CNGB3: variants seen among roughly 807,000 people sequenced by gnomAD.
CNGB3 encodes cyclic nucleotide-gated channel beta-3.
In CNGB3, 86 loss-of-function variants were observed where a neutral mutation model predicts 92.8. That is an observed-to-expected ratio of 0.93 (90% CI 0.78 to 1.11). The LOEUF (loss-of-function observed/expected upper bound fraction) is 1.11, where lower values mean the gene tolerates loss of function less well. Ranked by LOEUF, CNGB3 falls within the 50% of genes least tolerant of loss-of-function variation. CNGB3 has a pLI of 0.00. For synonymous variants in CNGB3, 333 were observed against 332.7 expected, an observed-to-expected ratio of 1.00 and a Z score of -0.01; for missense variants, 1,026 against 956.8, an observed-to-expected ratio of 1.07 and a Z score of -0.95.
At chr8:86,603,744 C>T (rs578188848) in intron 15 of CNGB3, among the ~76,000 whole-genome samples, 1 of 152,278 alleles carries the variant, frequency 6.6e-6, no homozygotes, top group East Asian at 1.9e-4. Flanking sequence ...ACGCAAGACC[C>T]CCTTGTTAGC....
chr8:86,615,518 G>T (rs546948712), intron 13 of CNGB3, among the ~76,000 whole-genome samples: 1 of 152,028 alleles, frequency 6.6e-6, no homozygotes, highest in African/African-American at 2.4e-5. Flanking sequence ...TGACAAGATC[G>T]CTAGAACCTG....
In CNGB3 at chr8:86,687,710, TA is replaced by T. The variant is rs1319938025; in HGVS notation, c.339-16613del. Among the ~76,000 whole-genome samples, 7 of 152,144 alleles carry T rather than the reference TA, an allele frequency of 4.6e-5. No individual in the cohort carries two copies. The East Asian group carries it at 1.4e-3, about 29-fold the overall frequency. ...TTATCTGAATTTCCCCTCAATCAAT[TA>T]TTTTTTTAAAATCCACCATTATTCA... On this transcript the variant is annotated intron_variant, in intron 3 of 17. Coordinates refer to ENST00000320005, the MANE Select transcript of CNGB3 (RefSeq NM_019098.5).
At chr8:86,592,998 C>T (rs1436622020) in intron 15 of CNGB3, among the ~76,000 whole-genome samples, 1 of 152,166 alleles carries the variant, frequency 6.6e-6, no homozygotes, top group Non-Finnish European at 1.5e-5. Context: ...CCACCTCTGC[C>T]TGGGATTTTT....
intron 3 of CNGB3, among the ~76,000 whole-genome samples, chr8:86,719,545 C>T (rs544395769): frequency 6.6e-6 from 1 of 151,296 alleles, no homozygotes; most frequent in Admixed American, 6.6e-5. Flanking sequence ...GGAAACAAAT[C>T]CCATTGTGTA....
Position 86,726,517 on chromosome 8 carries a change from T to C in CNGB3, c.338+14A>G. On this transcript the variant is annotated intron_variant, in intron 3 of 17. Coordinates refer to ENST00000320005, the MANE Select transcript of CNGB3 (RefSeq NM_019098.5). Reference sequence around the variant, plus strand: ...TATCTCTAAAATATGTTGTGTGTTTTATTAAATGCTCACCTGTTTGGACCT... The same window carrying C: ...TATCTCTAAAATATGTTGTGTGTTTCATTAAATGCTCACCTGTTTGGACCT... 1 of 1,613,608 alleles carries C rather than the reference T, an allele frequency of 6.2e-7. No individual in the cohort carries two copies. The highest frequency in any genetic ancestry group is 8.5e-7 in the Non-Finnish European group (1 of 1,179,526).
chr8:86,613,293 A>T (rs1454736238), intron 13 of CNGB3, among the ~76,000 whole-genome samples: 5 of 152,084 alleles, frequency 3.3e-5, no homozygotes, highest in Non-Finnish European at 4.4e-5. Flanking sequence ...TACAAACATA[A>T]TTTTTTTTCT....
intron 15 of CNGB3, among the ~76,000 whole-genome samples, chr8:86,596,322 G>T: frequency 6.6e-6 from 1 of 152,112 alleles, no homozygotes. Context: ...AAAATAATCT[G>T]CCCATATATT....
intron 10 of CNGB3, among the ~76,000 whole-genome samples, chr8:86,643,185 T>G (rs1434292326): frequency 6.6e-6 from 1 of 151,266 alleles, no homozygotes; most frequent in Non-Finnish European, 1.5e-5. Flanking sequence ...CATTTAAAAA[T>G]GTATTGACTT....
intron 15 of CNGB3, among the ~76,000 whole-genome samples, chr8:86,595,334 C>T (rs1444834371): frequency 6.6e-6 from 1 of 152,186 alleles, no homozygotes; most frequent in East Asian, 1.9e-4. Flanking sequence ...CTCTGCTCTT[C>T]CAAATGGTGG....
intron 6 of CNGB3, among the ~76,000 whole-genome samples, chr8:86,665,083 G>T (rs778846019): frequency 6.6e-6 from 1 of 152,140 alleles, no homozygotes; most frequent in Admixed American, 6.5e-5. Flanking sequence ...TTTGCCTAGC[G>T]GTCACCATAT....
chr8:86,661,728 G>T, intron 6 of CNGB3: 1 of 1,541,050 alleles, frequency 6.5e-7, no homozygotes. Flanking sequence ...ATGGGTAGTG[G>T]TTGATCTAGC....
rs146488853 is a variant in CNGB3, at chr8:86,671,019, G to T, written c.418C>A (p.Arg140Ser). 1.9e-6 allele frequency: 3 copies of T among 1,613,626 alleles called. No homozygotes were observed. The highest frequency in any genetic ancestry group is 2.5e-6 in the Non-Finnish European group (3 of 1,179,972). The change falls in exon 4 of 18, where the codon CGT (arginine) becomes AGT (serine). Residue 140 changes from arginine (R) to serine (S), a missense_variant. Transcript: ENST00000320005. Reference sequence around the variant, plus strand: ...TTCTTGTAGAGGGCTGTTCTTTGACGCATTCTTTTCACCAGGTTGTGTAGC... The same window carrying T: ...TTCTTGTAGAGGGCTGTTCTTTGACTCATTCTTTTCACCAGGTTGTGTAGC... ...AQLHNLVKRM[R>S]QRTALYKKKL...
At chr8:86,688,390 T>C (rs966004179) in intron 3 of CNGB3, among the ~76,000 whole-genome samples, 1 of 152,036 alleles carries the variant, frequency 6.6e-6, no homozygotes, top group Non-Finnish European at 1.5e-5. Context: ...CAGGATGCCA[T>C]GTTACTAAGG....
At chr8:86,616,991 A>G (rs1345873253) in intron 13 of CNGB3, among the ~76,000 whole-genome samples, 3 of 152,210 alleles carry the variant, frequency 2.0e-5, no homozygotes, top group Non-Finnish European at 4.4e-5. Flanking sequence ...GTAAATAAAA[A>G]TGGGCTGACA....
At chr8:86,704,985 A>T (rs1157843155) in intron 3 of CNGB3, among the ~76,000 whole-genome samples, 1 of 152,146 alleles carries the variant, frequency 6.6e-6, no homozygotes, top group East Asian at 1.9e-4. Flanking sequence ...ATCTGCTATT[A>T]GAAGCTGTAG....
chr8:86,703,813 G>C (rs1268719175), intron 3 of CNGB3: 1 of 152,088 alleles, frequency 6.6e-6, no homozygotes, highest in East Asian at 1.9e-4. Flanking sequence ...CAAAGAATCA[G>C]TATGGTGTTA....
In CNGB3 at chr8:86,686,788, G is replaced by A. The variant is rs558743573; in HGVS notation, c.339-15690C>T. Among the ~76,000 whole-genome samples the A allele has an allele frequency of 1.1e-4, 16 of 152,096 alleles. No homozygotes were observed. In the South Asian group the frequency reaches 3.1e-3, roughly 30 times the overall value. Reference sequence around the variant, plus strand: ...GACTATGGTGACATTGGAAGTAAGAGATCACAGTACCACAGCTGGAGAAAG... The same window carrying A: ...GACTATGGTGACATTGGAAGTAAGAAATCACAGTACCACAGCTGGAGAAAG... On this transcript the variant is annotated intron_variant, in intron 3 of 17. Transcript: ENST00000320005.
intron 10 of CNGB3, 86 bp from the exon 11 acceptor site, chr8:86,632,979 T>G: frequency 2.4e-6 from 3 of 1,237,798 alleles, no homozygotes; most frequent in Non-Finnish European, 3.5e-6. Context: ...ACTATTAAAT[T>G]ATAACAAATT....
chr8:86,649,997 A>G (rs1823367769), intron 7 of CNGB3, among the ~76,000 whole-genome samples: 2 of 151,526 alleles, frequency 1.3e-5, no homozygotes, highest in African/African-American at 2.4e-5. Context: ...CTATTAATAG[A>G]TATTTTTCAA....
Sources: allele counts gnomAD v4.1 joint callset (sites outside exome capture counted in the v4.1 genomes callset), GRCh38; gene constraint gnomAD v4.1.1; transcripts MANE v1.5; gene names NCBI Gene and HGNC (gene_info 2026-07-23, HGNC 2026-07-21).